AP2A2: variants seen among roughly 807,000 people sequenced by gnomAD.
AP2A2 encodes adaptor related protein complex 2 subunit alpha 2, also known as AP-2 complex subunit alpha-2.
Under a neutral mutation model 104.2 loss-of-function variants are expected in AP2A2, and 32 were observed. The observed-to-expected ratio is 0.31, with a 90% confidence interval of 0.23 to 0.41. The LOEUF is 0.41. AP2A2 is among the 10% of genes least tolerant of loss of function. The pLI, the probability that AP2A2 is intolerant of heterozygous loss-of-function variation, is 1.00. For synonymous variants in AP2A2, 539 were observed against 533.3 expected (o/e 1.01, Z -0.15); for missense variants, 912 against 1,261.0 (o/e 0.72, Z 4.19).
chr11:1,011,618 A>AGAGTG lies in AP2A2; in HGVS notation c.*995_*999dup, dbSNP rs1395420660. 5 of 399,216 alleles carry AGAGTG rather than the reference A, an allele frequency of 1.3e-5. No individual in the cohort carries two copies. The Admixed American group carries it at 1.5e-4, about 12-fold the overall frequency. The allele number at this position is 399,216 out of a possible 1,614,324, so 24.7% of individuals were successfully genotyped here. ...GCACGTCTGACACCTGAGAGGCGAG[A>AGAGTG]GAGTGGGGCCGGCCTAGGAGCCAAG... On this transcript the variant is annotated 3_prime_UTR_variant, in exon 22 of 22. Transcript: ENST00000448903.
chr11:991,039 G>A (rs1300437841), intron 10 of AP2A2, among the ~76,000 whole-genome samples: 1 of 151,190 alleles, frequency 6.6e-6, no homozygotes. Flanking sequence ...AGCCGGGCAC[G>A]ATGCTCCCCC....
At chr11:927,748 G>A (rs1334777208) in intron 1 of AP2A2, among the ~76,000 whole-genome samples, 8 of 147,356 alleles carry the variant, frequency 5.4e-5, no homozygotes, top group Non-Finnish European at 8.9e-5. Context: ...GACCCCAGGA[G>A]GTTAAGGCTG....
intron 1 of AP2A2, chr11:940,953 C>T (rs906685290): frequency 2.2e-6 from 1 of 455,974 alleles, no homozygotes; most frequent in Non-Finnish European, 4.4e-6. Context: ...GCATCTCACC[C>T]CTCGGGGAGT....
intron 2 of AP2A2, 46 bp from the exon 3 acceptor site, chr11:970,123 G>T: frequency 6.2e-7 from 1 of 1,603,962 alleles, no homozygotes; most frequent in Non-Finnish European, 8.5e-7. Flanking sequence ...CCTCTCCCCT[G>T]CCTCTGCCCG....
At chr11:943,215 C>T (rs1281473526) in intron 1 of AP2A2, 1 of 152,174 alleles carries the variant, frequency 6.6e-6, no homozygotes, top group Non-Finnish European at 1.5e-5. Flanking sequence ...AAATCTTCAA[C>T]AGCCGAGCTC....
At chr11:927,200 A>G (rs1467981455) in intron 1 of AP2A2, among the ~76,000 whole-genome samples, 2 of 152,032 alleles carry the variant, frequency 1.3e-5, no homozygotes, top group Non-Finnish European at 2.9e-5. Flanking sequence ...CTGGGACTAC[A>G]AGCGTGCACC....
At chr11:976,730 A>T (rs1404430491) in intron 4 of AP2A2, among the ~76,000 whole-genome samples, 1 of 152,134 alleles carries the variant, frequency 6.6e-6, no homozygotes, top group Non-Finnish European at 1.5e-5. Flanking sequence ...CATCAAGCAG[A>T]TGTGGAGCTC....
In AP2A2 at chr11:968,921, C is replaced by T. The variant is rs1021297883; in HGVS notation, c.137-1248C>T. On this transcript the variant is annotated intron_variant, in intron 2 of 21. Transcript: ENST00000448903. This position sits in a 1 kb window ranked among gnomAD's most constrained non-coding sequence, Gnocchi z 4.2. ...AGAGTGCAGCATGCAGCTGACTGGC[C>T]GACTGGTGATGCACCGTTCCCCAGG... is the stretch of plus-strand genomic sequence containing the variant. Among the ~76,000 whole-genome samples the T allele has an allele frequency of 5.3e-5, 8 of 152,122 alleles. No individual in the cohort carries two copies. The highest frequency in any genetic ancestry group is 9.7e-5 in the African/African-American group (4 of 41,402).
chr11:932,878 T>G (rs1853335018), intron 1 of AP2A2: 9 of 385,280 alleles, frequency 2.3e-5, no homozygotes, highest in South Asian at 1.5e-4. Context: ...TAAAATGAAC[T>G]GTTACTTTTG....
rs1274468340 is a variant in AP2A2 at position 1,006,530 on chromosome 11, C to T, written c.2209C>T (p.Arg737Trp). The change falls in exon 17 of 22, where the codon CGG (arginine) becomes TGG (tryptophan). Residue 737 changes from arginine to tryptophan, a missense_variant and splice_region_variant. Transcript: ENST00000448903. ...LKSEFRQNLG[R>W]MFIFYGNKTS... ...AAAATTGTTTTTGTTCCTTCTAGGT[C>T]GGATGTTTATCTTTTATGGTAATAA... 6 of 1,611,948 alleles carry T rather than the reference C, an allele frequency of 3.7e-6. No individual in the cohort carries two copies. Among genetic ancestry groups the T allele is most frequent in the South Asian group, 2.2e-5 (2 of 90,872 alleles).
Position 1,011,959 on chromosome 11 carries a change from A to G in AP2A2, c.*1334A>G, listed in dbSNP as rs1011373147. The stretch of plus-strand genomic sequence containing the variant: ...GTGGCGTGCGCCTCTCGCACAGGCC[A>G]TTCTGGGTCTGGTGGTGCCAGGTGC... On this transcript the variant is annotated 3_prime_UTR_variant, in exon 22 of 22. Transcript: ENST00000448903. 5.5e-5 allele frequency: 9 copies of G among 162,608 alleles called. No homozygotes were observed. In the Admixed American group the frequency reaches 5.6e-4, roughly 10 times the overall value. The allele number at this position is 162,608 out of a possible 1,614,324, so 10.1% of individuals were successfully genotyped here.
intron 14 of AP2A2, among the ~76,000 whole-genome samples, chr11:996,568 T>C (rs996822836): frequency 1.3e-5 from 2 of 152,126 alleles, no homozygotes; most frequent in East Asian, 1.9e-4. Context: ...GGGTGGACTT[T>C]GGAGGGCCTG....
chr11:973,834 G>A (rs924022482), intron 4 of AP2A2, among the ~76,000 whole-genome samples: 1 of 152,230 alleles, frequency 6.6e-6, no homozygotes, highest in Admixed American at 6.5e-5. Context: ...TGGGGTGGAA[G>A]CTTCCTGGGC....
chr11:974,085 G>A (rs1854928142), intron 4 of AP2A2, among the ~76,000 whole-genome samples: 1 of 152,190 alleles, frequency 6.6e-6, no homozygotes, highest in Non-Finnish European at 1.5e-5. Flanking sequence ...CCAGTGCAGT[G>A]CATCTGCGGC....
intron 4 of AP2A2, among the ~76,000 whole-genome samples, chr11:975,525 G>A (rs944882808): frequency 2.2e-4 from 32 of 145,912 alleles, no homozygotes; most frequent in African/African-American, 8.0e-4. Flanking sequence ...CTTACGAGCC[G>A]ACATTAGTGA....
chr11:953,092 T>G (rs1398549098), intron 1 of AP2A2, among the ~76,000 whole-genome samples: 1 of 152,236 alleles, frequency 6.6e-6, no homozygotes, highest in East Asian at 1.9e-4. Flanking sequence ...GACATGGTAG[T>G]TGACTTGAAT....
At chr11:949,271 G>A (rs945360999) in intron 1 of AP2A2, among the ~76,000 whole-genome samples, 1 of 151,484 alleles carries the variant, frequency 6.6e-6, no homozygotes, top group South Asian at 2.1e-4. Context: ...GAGAGACTCT[G>A]TCTCAAGAAA....
rs1186130413 is a variant in AP2A2 at position 925,905 on chromosome 11, T to TAGGCGGCTCCC, written c.-116_-106dup. The stretch of plus-strand genomic sequence containing the variant: ...GCTGGGACCCTGAGGCGGCCGTGGT[T>TAGGCGGCTCCC]AGGCGGCTCCCCGGCGGCTCCTCCG... On this transcript the variant is annotated 5_prime_UTR_variant, in exon 1 of 22. Coordinates refer to ENST00000448903, the MANE Select transcript of AP2A2 (RefSeq NM_012305.4). The TAGGCGGCTCCC allele has an allele frequency of 8.0e-6, 6 of 746,172 alleles. No individual in the cohort carries two copies. In the East Asian group the frequency reaches 1.5e-4, roughly 19 times the overall value. The allele number at this position is 746,172 out of a possible 1,614,324, so 46.2% of individuals were successfully genotyped here.
Position 985,577 on chromosome 11 carries a change from T to C in AP2A2, c.957T>C (p.His319=). 1.2e-6 allele frequency: 2 copies of C among 1,613,968 alleles called. No homozygotes were observed. Among genetic ancestry groups the C allele is most frequent in the Non-Finnish European group, 1.7e-6 (2 of 1,179,886 alleles). Residue 319 remains histidine, a synonymous_variant, in exon 8 of 22, where the codon CAT becomes CAC. Coordinates refer to ENST00000448903, the MANE Select transcript of AP2A2 (RefSeq NM_012305.4). ...AGGCCATCAGCTTAATCATTCACCATGACAGGTGTGTCGGCTGCCTGTGGA... is the reference window on the plus strand; with the variant it reads ...AGGCCATCAGCTTAATCATTCACCACGACAGGTGTGTCGGCTGCCTGTGGA... ...LFEAISLIIH[H]DSEPNLLVRA... is the part of the protein sequence containing the mutation.
Sources: allele counts gnomAD v4.1 joint callset (sites outside exome capture counted in the v4.1 genomes callset), GRCh38; gene constraint gnomAD v4.1.1; non-coding constraint Gnocchi (gnomAD v3.1); transcripts MANE v1.5; gene names NCBI Gene and HGNC (gene_info 2026-07-23, HGNC 2026-07-21).